ANKRD36: variants seen among roughly 807,000 people sequenced by gnomAD.
ANKRD36 encodes the protein ankyrin repeat domain-containing protein 36A.
In ANKRD36, 179 loss-of-function variants were observed where a neutral mutation model predicts 278.1. The ratio of observed to expected loss-of-function variants is 0.64; its 90% CI spans 0.57 to 0.73. The LOEUF (loss-of-function observed/expected upper bound fraction) is 0.73, where lower values mean the gene tolerates loss of function less well. Ranked by LOEUF, ANKRD36 falls within the 30% of genes least tolerant of loss-of-function variation. The pLI is 0.00. For missense variants in ANKRD36, 1,159 were observed against 1,956.7 expected (o/e 0.59, Z 7.69); for synonymous variants, 320 against 641.1 (o/e 0.50, Z 7.57).
At chr2:97,231,189 T>A (rs2071897128) in intron 67 of ANKRD36, among the ~76,000 whole-genome samples, 1 of 152,118 alleles carries the variant, frequency 6.6e-6, no homozygotes. Flanking sequence ...ACAGGGACAT[T>A]TAAGTCTGCA....
At chr2:97,125,737 C>A (rs1422451815) in intron 5 of ANKRD36, among the ~76,000 whole-genome samples, 2 of 151,754 alleles carry the variant, frequency 1.3e-5, no homozygotes, top group African/African-American at 2.4e-5. Context: ...ATCTCTCAAG[C>A]TGCTTGCATC....
At chr2:97,196,245 C>T (rs1287668165) in intron 40 of ANKRD36, among the ~76,000 whole-genome samples, 1 of 151,978 alleles carries the variant, frequency 6.6e-6, no homozygotes, top group Non-Finnish European at 1.5e-5. Context: ...CATGTAGCAC[C>T]TGCTTTGACA....
intron 16 of ANKRD36, 138 bp from the exon 17 acceptor site, chr2:97,158,450 C>A: frequency 1.2e-6 from 1 of 828,478 alleles, no homozygotes; most frequent in South Asian, 1.7e-5. Flanking sequence ...TGGTCTTGAA[C>A]ACCTGACCTC....
chr2:97,128,103 C>A (rs1004235075), intron 6 of ANKRD36, among the ~76,000 whole-genome samples: 9 of 151,706 alleles, frequency 5.9e-5, no homozygotes, highest in Non-Finnish European at 7.4e-5. Flanking sequence ...AGGAGTAGGA[C>A]GTGTTCACTG....
intron 1 of ANKRD36, among the ~76,000 whole-genome samples, chr2:97,117,613 A>G (rs1316374946): frequency 6.6e-6 from 1 of 152,084 alleles, no homozygotes. Flanking sequence ...TCTTTAATAG[A>G]TACCTCAATG....
chr2:97,135,933 A>T (rs1273703733), intron 6 of ANKRD36, among the ~76,000 whole-genome samples: 1 of 151,764 alleles, frequency 6.6e-6, no homozygotes, highest in Non-Finnish European at 1.5e-5. Flanking sequence ...TTGGTCTTCA[A>T]CCCCATTTTC....
intron 6 of ANKRD36, among the ~76,000 whole-genome samples, chr2:97,136,014 G>A (rs1472924111): frequency 4.0e-5 from 6 of 151,602 alleles, no homozygotes; most frequent in Middle Eastern, 3.2e-3. Flanking sequence ...TTGACTTATG[G>A]CAGGCAGCCT....
intron 13 of ANKRD36, among the ~76,000 whole-genome samples, 161 bp from the exon 14 acceptor site, chr2:97,152,343 C>T (rs2046286834): frequency 1.3e-5 from 2 of 150,030 alleles, no homozygotes; most frequent in South Asian, 4.2e-4. Context: ...GCTATGTTAC[C>T]CAGGCTGGTC....
rs763939794 is a variant in ANKRD36 at position 97,206,100 on chromosome 2, C to G, written c.3128C>G (p.Ala1043Gly). ...GAGGAAGATTCTGTTTTGAGTATAG[C>G]CAGAGAAAACAAGGATGGAGAAAAA... ...SDEEDSVLSI[A>G]RENKDGEKSR... The change falls in exon 52 of 76, where the codon GCC becomes GGC. Residue 1043 changes from alanine to glycine, a missense_variant. By Grantham distance (60) the Ala-to-Gly change is moderately conservative (BLOSUM62 0). Coordinates refer to ENST00000420699, the MANE Select transcript of ANKRD36 (RefSeq NM_001354587.1). 7 of 1,548,044 alleles carry G rather than the reference C, an allele frequency of 4.5e-6. No homozygotes were observed. Among genetic ancestry groups the G allele is most frequent in the Non-Finnish European group, 1.7e-6 (2 of 1,148,646 alleles).
At chr2:97,232,256 A>C (rs1417190372) in intron 67 of ANKRD36, among the ~76,000 whole-genome samples, 1 of 149,258 alleles carries the variant, frequency 6.7e-6, no homozygotes, top group Non-Finnish European at 1.5e-5. Flanking sequence ...AAAACTAGCA[A>C]ATTTATCTTC....
intron 14 of ANKRD36, among the ~76,000 whole-genome samples, chr2:97,153,207 C>T (rs1251164468): frequency 6.6e-6 from 1 of 152,306 alleles, no homozygotes; most frequent in African/African-American, 2.4e-5. Context: ...CACTTACTCC[C>T]TACCCAGTTA....
intron 62 of ANKRD36, 103 bp from the exon 63 acceptor site, chr2:97,217,074 A>G (rs1160890804): frequency 1.9e-6 from 3 of 1,539,586 alleles, no homozygotes; most frequent in Non-Finnish European, 2.6e-6. Flanking sequence ...ATCCTACCCT[A>G]ATACAGGCAG....
chr2:97,227,443 A>G (rs200336958), intron 67 of ANKRD36, among the ~76,000 whole-genome samples: 1 of 152,224 alleles, frequency 6.6e-6, no homozygotes, highest in East Asian at 2.0e-4. Context: ...TTATTGGTGT[A>G]TAAGAATGCT....
At chr2:97,125,632 C>T (rs1276040779) in intron 5 of ANKRD36, among the ~76,000 whole-genome samples, 2 of 151,220 alleles carry the variant, frequency 1.3e-5, no homozygotes, top group East Asian at 3.9e-4. Flanking sequence ...GAGCTTTTCT[C>T]AGGTAGTGGA....
intron 6 of ANKRD36, among the ~76,000 whole-genome samples, chr2:97,130,847 T>G (rs900897001): frequency 5.9e-5 from 9 of 152,112 alleles, no homozygotes; most frequent in African/African-American, 1.7e-4. Flanking sequence ...CAACTATATA[T>G]GATTTTCTTT....
chr2:97,146,178 G>C (rs979825203), intron 10 of ANKRD36, among the ~76,000 whole-genome samples: 1 of 151,770 alleles, frequency 6.6e-6, no homozygotes, highest in Admixed American at 6.6e-5. Context: ...TGTTGGCCAG[G>C]TTGGTCTTGA....
chr2:97,122,748 A>G, intron 3 of ANKRD36, 139 bp from the exon 4 acceptor site: 2 of 629,040 alleles, frequency 3.2e-6, no homozygotes, highest in South Asian at 2.3e-5. Flanking sequence ...AGCACCGAGG[A>G]GGGAAAAGAA....
Position 97,211,651 on chromosome 2 carries a change from G to C in ANKRD36, c.3397-18G>C, listed in dbSNP as rs777648687. On this transcript the variant is annotated intron_variant, in intron 57 of 75. Coordinates refer to ENST00000420699, the MANE Select transcript of ANKRD36 (RefSeq NM_001354587.1). ...ATATACTTTATTTATTGACTGTTTT[G>C]TTTCAAATTCTATTCAGGCTATCTG... 6.3e-7 allele frequency: 1 copy of C among 1,593,226 alleles called. No homozygotes were observed.
At chr2:97,178,829 A>T (rs964023419) in intron 22 of ANKRD36, among the ~76,000 whole-genome samples, 14 of 151,546 alleles carry the variant, frequency 9.2e-5, no homozygotes, top group Non-Finnish European at 1.8e-4. Flanking sequence ...AAAGTATAAT[A>T]AAAAAAAGCA....
Sources: allele counts gnomAD v4.1 joint callset (sites outside exome capture counted in the v4.1 genomes callset), GRCh38; gene constraint gnomAD v4.1.1; transcripts MANE v1.5; gene names NCBI Gene and HGNC (gene_info 2026-07-23, HGNC 2026-07-21).